Variants in XIRP2 observed in about 807,000 individuals in gnomAD.
The protein encoded by XIRP2 is xin actin-binding repeat-containing protein 2.
Under a neutral mutation model 277.0 loss-of-function variants are expected in XIRP2, and 236 were observed. That is an observed-to-expected ratio of 0.85 (90% CI 0.77 to 0.95). XIRP2 has a LOEUF of 0.95. Among genes scored for constraint, XIRP2 ranks in the 40% least tolerant of loss-of-function variants. XIRP2 has a pLI of 0.00. For synonymous variants in XIRP2, 1,490 were observed against 1,416.5 expected (o/e 1.05, Z -1.17); for missense variants, 4,640 against 4,157.5 (o/e 1.12, Z -3.19).
At chr2:167,101,180 G>A (rs1260998896) in intron 2 of XIRP2, among the ~76,000 whole-genome samples, 3 of 152,282 alleles carry the variant, frequency 2.0e-5, no homozygotes, top group Admixed American at 6.5e-5. Flanking sequence ...AGAAAAGAAT[G>A]AGTAAGGTGC....
intron 3 of XIRP2, among the ~76,000 whole-genome samples, chr2:167,184,172 C>G (rs528368913): frequency 6.6e-6 from 1 of 152,300 alleles, no homozygotes; most frequent in East Asian, 1.9e-4. Flanking sequence ...TCATCTGTCT[C>G]CCATCTGCTA....
intron 2 of XIRP2, among the ~76,000 whole-genome samples, chr2:166,997,129 T>C (rs1043202962): frequency 1.2e-4 from 18 of 152,222 alleles, no homozygotes; most frequent in African/African-American, 4.3e-4. Context: ...ACCTTCATTT[T>C]GGTACAGAAC....
At chr2:166,942,596 A>G (rs1490653351) in intron 2 of XIRP2, among the ~76,000 whole-genome samples, 1 of 152,202 alleles carries the variant, frequency 6.6e-6, no homozygotes, top group Non-Finnish European at 1.5e-5. Context: ...CACAGCATCA[A>G]ATTTTATGTA....
intron 2 of XIRP2, among the ~76,000 whole-genome samples, chr2:167,020,083 C>T (rs1027639852): frequency 3.3e-5 from 5 of 152,004 alleles, no homozygotes; most frequent in African/African-American, 1.2e-4. Flanking sequence ...CACTAATCAA[C>T]TTGTTTCAAT....
intron 2 of XIRP2, among the ~76,000 whole-genome samples, chr2:167,059,228 C>T (rs1026985991): frequency 6.7e-6 from 1 of 150,056 alleles, no homozygotes; most frequent in Non-Finnish European, 1.5e-5. Flanking sequence ...CTCAGTCTCC[C>T]GAGTAGCTGG....
chr2:166,935,402 T>G (rs969207778), intron 2 of XIRP2, among the ~76,000 whole-genome samples: 10 of 152,216 alleles, frequency 6.6e-5, no homozygotes, highest in African/African-American at 2.4e-4. Context: ...AAAAGTAGTC[T>G]TACATTTGTT....
intron 2 of XIRP2, among the ~76,000 whole-genome samples, chr2:167,063,186 GA>G (rs1326108915): frequency 4.0e-5 from 6 of 151,756 alleles, no homozygotes; most frequent in Non-Finnish European, 7.4e-5. Flanking sequence ...CCTTTAACCA[GA>G]AGTTGCTTTT....
At chr2:167,219,089 A>AT (rs1573968132) in intron 5 of XIRP2, among the ~76,000 whole-genome samples, 4 of 152,014 alleles carry the variant, frequency 2.6e-5, no homozygotes, top group African/African-American at 7.2e-5. Context: ...AGTTGCCTAA[A>AT]TTTTTTTAAA....
chr2:166,973,494 G>C (rs182681886), intron 2 of XIRP2, among the ~76,000 whole-genome samples: 1 of 152,090 alleles, frequency 6.6e-6, no homozygotes, highest in African/African-American at 2.4e-5. Context: ...TAATATATTG[G>C]CCCAAAGCTG....
At chr2:166,927,120 G>A (rs906720474) in intron 2 of XIRP2, among the ~76,000 whole-genome samples, 6 of 152,042 alleles carry the variant, frequency 3.9e-5, no homozygotes, top group Admixed American at 2.0e-4. Context: ...TTTTCTCTGT[G>A]TTCCAGTTTA....
rs1695244236 is a variant in XIRP2, at chr2:167,245,937, A to G, written c.4545A>G (p.Glu1515=). ...AHKGITKMTK[E]EIPPSDVKTT... Reference sequence around the variant, plus strand: ...AAGGTATCACAAAAATGACCAAGGAAGAAATCCCTCCTTCTGATGTCAAAA... The same window carrying G: ...AAGGTATCACAAAAATGACCAAGGAGGAAATCCCTCCTTCTGATGTCAAAA... Residue 1515 remains glutamate (E), a synonymous_variant, in exon 9 of 11, where the codon GAA becomes GAG. Coordinates refer to ENST00000409195, the MANE Select transcript of XIRP2 (RefSeq NM_152381.6). 1 of 1,613,706 alleles carries G rather than the reference A, an allele frequency of 6.2e-7. No individual in the cohort carries two copies.
chr2:167,018,355 T>C (rs1687888280), intron 2 of XIRP2, among the ~76,000 whole-genome samples: 1 of 152,032 alleles, frequency 6.6e-6, no homozygotes, highest in African/African-American at 2.4e-5. Flanking sequence ...TTTGTGTTAG[T>C]TCAGGTTCTT....
chr2:167,039,430 G>C (rs780877391), intron 2 of XIRP2, among the ~76,000 whole-genome samples: 9 of 152,146 alleles, frequency 5.9e-5, no homozygotes, highest in Non-Finnish European at 1.3e-4. Context: ...GCAGAGTTAA[G>C]AGAAAACAAG....
chr2:167,020,398 A>G (rs944467094), intron 2 of XIRP2, among the ~76,000 whole-genome samples: 1 of 152,020 alleles, frequency 6.6e-6, no homozygotes, highest in African/African-American at 2.4e-5. Flanking sequence ...ATATTCTTCC[A>G]CCATCAACAA....
intron 2 of XIRP2, among the ~76,000 whole-genome samples, chr2:167,063,098 A>G (rs1689212962): frequency 6.6e-6 from 1 of 151,822 alleles, no homozygotes; most frequent in South Asian, 2.1e-4. Flanking sequence ...TTCCCTCTAA[A>G]AACTGCTTTA....
chr2:167,242,468 A>G, intron 8 of XIRP2, 101 bp from the exon 9 acceptor site: 3 of 1,216,046 alleles, frequency 2.5e-6, no homozygotes, highest in Admixed American at 2.3e-5. Context: ...CAATGGAGAT[A>G]TCATAGGAGG....
chr2:167,140,517 T>TC (rs1691683764), intron 3 of XIRP2, among the ~76,000 whole-genome samples: 1 of 152,132 alleles, frequency 6.6e-6, no homozygotes, highest in Non-Finnish European at 1.5e-5. Flanking sequence ...GCCTGAACTG[T>TC]CCCCTCTAAC....
chr2:166,926,079 G>GA (rs1264354299), intron 2 of XIRP2, among the ~76,000 whole-genome samples: 1 of 151,582 alleles, frequency 6.6e-6, no homozygotes, highest in Non-Finnish European at 1.5e-5. Context: ...ATCTCAAAAA[G>GA]AAAAAAATCA....
chr2:166,947,496 A>G (rs541855669), intron 2 of XIRP2, among the ~76,000 whole-genome samples: 1 of 152,316 alleles, frequency 6.6e-6, no homozygotes, highest in South Asian at 2.1e-4. Flanking sequence ...AAAGAAATAA[A>G]AAGACATTTT....
Sources: allele counts gnomAD v4.1 joint callset (sites outside exome capture counted in the v4.1 genomes callset), GRCh38; gene constraint gnomAD v4.1.1; transcripts MANE v1.5; gene names NCBI Gene and HGNC (gene_info 2026-07-23, HGNC 2026-07-21).